Variants in ADAM22 observed in about 807,000 individuals in gnomAD.
ADAM22 encodes the protein disintegrin and metalloproteinase domain-containing protein 22.
A neutral mutation model predicts 144.6 loss-of-function variants in ADAM22; 65 were observed. That is an observed-to-expected ratio of 0.45 (90% CI 0.37 to 0.55). The LOEUF (loss-of-function observed/expected upper bound fraction) is 0.55, where lower values mean the gene tolerates loss of function less well. Ranked by LOEUF, ADAM22 falls within the 20% of genes least tolerant of loss-of-function variation. The pLI is 0.00. For synonymous variants in ADAM22, 391 were observed against 412.6 expected (o/e 0.95, Z 0.63); for missense variants, 974 against 1,184.9 (o/e 0.82, Z 2.61).
At chr7:88,094,848 C>T (rs1433602093) in intron 4 of ADAM22, among the ~76,000 whole-genome samples, 1 of 152,152 alleles carries the variant, frequency 6.6e-6, no homozygotes, top group Non-Finnish European at 1.5e-5. Context: ...AACTCCAGGA[C>T]ATATCTGTGG....
At chr7:87,934,659 G>GTT in intron 1 of ADAM22, 109 bp downstream of exon 1, 1 of 835,136 alleles carries the variant, frequency 1.2e-6, no homozygotes, top group Non-Finnish European at 1.7e-6. Context: ...TGCGCGGGGA[G>GTT]ATTTTTTTTT....
At chr7:87,952,734 T>C (rs1320689870) in intron 2 of ADAM22, among the ~76,000 whole-genome samples, 5 of 152,200 alleles carry the variant, frequency 3.3e-5, no homozygotes, top group African/African-American at 4.8e-5. Context: ...TTCCTCCTTG[T>C]ACCTCTGGTA....
intron 2 of ADAM22, among the ~76,000 whole-genome samples, chr7:87,941,211 G>A (rs1318849885): frequency 2.0e-5 from 3 of 152,164 alleles, no homozygotes; most frequent in East Asian, 3.9e-4. Flanking sequence ...AGCTTCCCAA[G>A]TACTAAAGTG....
Position 87,945,605 on chromosome 7 carries a change from C to T in ADAM22, c.246+10419C>T, listed in dbSNP as rs1353908229. On this transcript the variant is annotated intron_variant, in intron 2 of 31. Transcript: ENST00000413139. ...TCAGCTCACTGCAACCTCCACCCTC[C>T]GAGTTCAAGCGATTCTCCTGCCTCA... Among the ~76,000 whole-genome samples the T allele has an allele frequency of 5.9e-5, 9 of 151,620 alleles. No homozygotes were observed. The East Asian group carries it at 1.2e-3, about 20-fold the overall frequency.
rs1189970026 is a variant in ADAM22 at position 88,153,273 on chromosome 7, G to T, written c.1734G>T (p.Thr578=). The change falls in exon 21 of 32, where the codon ACG becomes ACT. Residue 578 remains threonine (T), a synonymous_variant. Transcript: ENST00000413139. ...YCYEKLNIEG[T]EKGNCGKDKD... ...ATGAGAAACTGAATATTGAAGGGAC[G>T]GAGAAGGGTAACTGTGGGAAAGACA... 1 of 1,613,360 alleles carries T rather than the reference G, an allele frequency of 6.2e-7. No individual in the cohort carries two copies. Among genetic ancestry groups the T allele is most frequent in the Non-Finnish European group, 8.5e-7 (1 of 1,179,618 alleles).
At chr7:87,987,531 C>T (rs1788769577) in intron 3 of ADAM22, among the ~76,000 whole-genome samples, 1 of 152,208 alleles carries the variant, frequency 6.6e-6, no homozygotes, top group Non-Finnish European at 1.5e-5. Flanking sequence ...GATAGTGGTA[C>T]AGCCCAACCA....
chr7:87,994,797 G>A (rs1258159804), intron 3 of ADAM22, among the ~76,000 whole-genome samples: 4 of 151,938 alleles, frequency 2.6e-5, no homozygotes, highest in African/African-American at 9.7e-5. Context: ...ATGCCCATGT[G>A]GTGAAATGGC....
At chr7:88,049,762 A>C (rs1805713855) in intron 3 of ADAM22, among the ~76,000 whole-genome samples, 1 of 152,174 alleles carries the variant, frequency 6.6e-6, no homozygotes. Context: ...GATGATTTTT[A>C]CCTTGATCAT....
At chr7:88,018,452 C>A (rs990371919) in intron 3 of ADAM22, among the ~76,000 whole-genome samples, 2 of 152,088 alleles carry the variant, frequency 1.3e-5, no homozygotes, top group Non-Finnish European at 2.9e-5. Flanking sequence ...TCCCCCATTA[C>A]TGTTCTACCA....
chr7:87,980,368 A>C (rs565717077), intron 3 of ADAM22, among the ~76,000 whole-genome samples: 49 of 151,324 alleles, frequency 3.2e-4, no homozygotes, highest in Non-Finnish European at 6.6e-4. Flanking sequence ...TCATGATGTG[A>C]TACAAAAATG....
At position 88,179,090 on chromosome 7, in the gene ADAM22, A is replaced by G. The variant is rs1260173700; in HGVS notation, c.2456A>G (p.His819Arg). 9 of 1,382,678 alleles carry G rather than the reference A, an allele frequency of 6.5e-6. No individual in the cohort carries two copies. The highest frequency in any genetic ancestry group is 3.6e-4 in the Middle Eastern group (2 of 5,604). 85.7% of individuals were successfully genotyped at this position (1,382,678 alleles called of 1,614,324 possible). A position where few individuals can be genotyped will look rare whatever the true frequency, so the allele number is the denominator to read the frequency against. ...CAGATTTCTACCTGTTCCATCACAC[A>G]TTATTCCATTAGTCAGAACATTTCA... Reference protein sequence around the residue: ...HFQISTCSITHYSISQNISLF... With the variant: ...HFQISTCSITRYSISQNISLF... Residue 819 changes from histidine to arginine, a missense_variant, in exon 27 of 32, where the codon CAT becomes CGT. Transcript: ENST00000413139.
intron 5 of ADAM22, among the ~76,000 whole-genome samples, chr7:88,109,856 C>G (rs1334490573): frequency 6.6e-6 from 1 of 152,118 alleles, no homozygotes; most frequent in Admixed American, 6.5e-5. Flanking sequence ...TTGGAATAGC[C>G]TATCCAAGGG....
chr7:88,113,714 A>G lies in ADAM22; in HGVS notation c.474-870A>G, dbSNP rs1434872817. On this transcript the variant is annotated intron_variant, in intron 5 of 31. Transcript: ENST00000413139. ...TAAATAAATAAATAAATATATATAT[A>G]TATATATATATATATATATATATAT... Among the ~76,000 whole-genome samples, 46 of 109,480 alleles carry G rather than the reference A, an allele frequency of 4.2e-4. 2 individuals are homozygous for G. The highest frequency in any genetic ancestry group is 1.4e-3 in the African/African-American group (37 of 26,358). 71.8% of individuals were successfully genotyped at this position (109,480 alleles called of 152,430 possible).
At chr7:88,120,334 C>A (rs1346776905) in intron 7 of ADAM22, among the ~76,000 whole-genome samples, 1 of 152,018 alleles carries the variant, frequency 6.6e-6, no homozygotes, top group Non-Finnish European at 1.5e-5. Flanking sequence ...CCCCTTCCCC[C>A]ACCCCACAAC....
At chr7:88,103,084 T>A (rs778683715) in intron 4 of ADAM22, among the ~76,000 whole-genome samples, 2 of 152,002 alleles carry the variant, frequency 1.3e-5, no homozygotes, top group African/African-American at 4.8e-5. Context: ...CTATGAAAAT[T>A]CAGAGAAGGA....
At chr7:88,003,090 C>T (rs1311223234) in intron 3 of ADAM22, among the ~76,000 whole-genome samples, 2 of 152,106 alleles carry the variant, frequency 1.3e-5, no homozygotes, top group Non-Finnish European at 2.9e-5. Context: ...ATTATGAAAA[C>T]GCTAATAAAA....
chr7:88,016,213 T>G (rs1796507984), intron 3 of ADAM22, among the ~76,000 whole-genome samples: 1 of 152,176 alleles, frequency 6.6e-6, no homozygotes, highest in Non-Finnish European at 1.5e-5. Flanking sequence ...GTCACTTCCC[T>G]AAAGCTTCTT....
intron 26 of ADAM22, among the ~76,000 whole-genome samples, chr7:88,175,769 G>T (rs1217484609): frequency 6.6e-6 from 1 of 152,096 alleles, no homozygotes; most frequent in Non-Finnish European, 1.5e-5. Flanking sequence ...ACTGGAAAAA[G>T]AAGTTTGATT....
intron 13 of ADAM22, among the ~76,000 whole-genome samples, chr7:88,135,685 A>G (rs1236851069): frequency 1.3e-5 from 2 of 152,148 alleles, no homozygotes; most frequent in East Asian, 3.8e-4. Context: ...TCATTCTTCC[A>G]TTGGTATTTG....
Sources: gnomAD v4.1 joint callset for allele counts (sites outside exome capture counted in the v4.1 genomes callset) on GRCh38, gnomAD v4.1.1 for gene constraint, MANE v1.5 for transcripts, NCBI Gene and HGNC (gene_info 2026-07-23, HGNC 2026-07-21) for gene names.